Variants in FARP1 observed in about 807,000 individuals in gnomAD.
FARP1 encodes FERM, ARH/RhoGEF and pleckstrin domain protein 1.
In FARP1, 52 loss-of-function variants were observed where a neutral mutation model predicts 128.8. The observed-to-expected ratio is 0.40, with a 90% CI of 0.32 to 0.51. FARP1 has a LOEUF of 0.51. FARP1 is among the 20% of genes least tolerant of loss of function. The pLI is 0.45. For synonymous variants in FARP1, 580 were observed against 551.8 expected (o/e 1.05, Z -0.72); for missense variants, 1,333 against 1,367.9 (o/e 0.97, Z 0.40).
At chr13:98,341,586 C>T (rs759527778) in intron 2 of FARP1, among the ~76,000 whole-genome samples, 6 of 152,138 alleles carry the variant, frequency 3.9e-5, no homozygotes, top group Non-Finnish European at 8.8e-5. Context: ...GAGCCAAGAT[C>T]GTGCCACTGT....
intron 2 of FARP1, among the ~76,000 whole-genome samples, chr13:98,317,706 T>C (rs186511705): frequency 2.0e-5 from 3 of 152,282 alleles, no homozygotes; most frequent in African/African-American, 7.2e-5. Flanking sequence ...CTGGATGGCT[T>C]AAACAACAGA....
intron 2 of FARP1, among the ~76,000 whole-genome samples, chr13:98,293,136 G>T (rs1416974498): frequency 6.6e-6 from 1 of 152,076 alleles, no homozygotes; most frequent in East Asian, 1.9e-4. Context: ...TAACTCAATG[G>T]TGGATGACTG....
At chr13:98,153,334 T>C (rs1256897793) in intron 1 of FARP1, among the ~76,000 whole-genome samples, 5 of 58,656 alleles carry the variant, frequency 8.5e-5, no homozygotes, top group African/African-American at 1.4e-4. Flanking sequence ...TAATATAATA[T>C]ATAAAATAAT....
At chr13:98,270,482 A>G (rs144967352) in intron 2 of FARP1, among the ~76,000 whole-genome samples, 3 of 152,198 alleles carry the variant, frequency 2.0e-5, no homozygotes, top group Admixed American at 1.3e-4. Context: ...CATGACTTAC[A>G]ATGCCTCAGC....
At chr13:98,389,471 A>G (rs1173811094) in intron 9 of FARP1, 2 of 152,664 alleles carry the variant, frequency 1.3e-5, no homozygotes, top group East Asian at 3.9e-4. Context: ...AAAAAAATTC[A>G]TTTCCTGTGT....
At chr13:98,185,716 G>C (rs1015097668) in intron 1 of FARP1, among the ~76,000 whole-genome samples, 1 of 147,352 alleles carries the variant, frequency 6.8e-6, no homozygotes, top group African/African-American at 2.5e-5. Flanking sequence ...TTGTTTTTTT[G>C]AGATGGAGTC....
intron 2 of FARP1, among the ~76,000 whole-genome samples, chr13:98,249,391 G>A (rs1176106636): frequency 2.0e-5 from 3 of 152,154 alleles, no homozygotes; most frequent in Non-Finnish European, 2.9e-5. Flanking sequence ...CTTCTTTTAT[G>A]TGACATGGTA....
At chr13:98,324,347 G>A (rs534750115) in intron 2 of FARP1, among the ~76,000 whole-genome samples, 5 of 152,252 alleles carry the variant, frequency 3.3e-5, no homozygotes, top group South Asian at 2.1e-4. Flanking sequence ...AGCGAAACAC[G>A]GTTCCTGCTG....
intron 17 of FARP1, among the ~76,000 whole-genome samples, chr13:98,429,807 C>A (rs1891941728): frequency 6.6e-6 from 1 of 152,210 alleles, no homozygotes; most frequent in Admixed American, 6.5e-5. Flanking sequence ...TCCTCTCTGA[C>A]TTGGGCTACT....
chr13:98,153,206 AT>A (rs1170219149), intron 1 of FARP1, among the ~76,000 whole-genome samples: 1 of 149,244 alleles, frequency 6.7e-6, no homozygotes, highest in Non-Finnish European at 1.5e-5. Flanking sequence ...GAAACCAGCG[AT>A]TTTCTAAATG....
chr13:98,279,969 T>G (rs1054336133), intron 2 of FARP1, among the ~76,000 whole-genome samples: 1 of 152,052 alleles, frequency 6.6e-6, no homozygotes, highest in African/African-American at 2.4e-5. Flanking sequence ...CTCAGGTGTT[T>G]TCAGCCTCTC....
intron 1 of FARP1, among the ~76,000 whole-genome samples, chr13:98,152,961 G>A (rs1876119586): frequency 6.6e-6 from 1 of 151,994 alleles, no homozygotes. Context: ...TGAGAGTATT[G>A]CTTCATTTCT....
intron 2 of FARP1, among the ~76,000 whole-genome samples, chr13:98,277,557 C>T (rs1422799102): frequency 6.6e-6 from 1 of 152,110 alleles, no homozygotes; most frequent in Non-Finnish European, 1.5e-5. Flanking sequence ...GCTGAGACTT[C>T]CTCTGAGGAG....
intron 2 of FARP1, among the ~76,000 whole-genome samples, chr13:98,255,956 G>T (rs1394739971): frequency 3.3e-5 from 5 of 152,202 alleles, no homozygotes; most frequent in Non-Finnish European, 5.9e-5. Flanking sequence ...AGAACAATCT[G>T]TCTGAACATT....
chr13:98,314,119 G>A (rs866963239), intron 2 of FARP1, among the ~76,000 whole-genome samples: 72 of 152,008 alleles, frequency 4.7e-4, no homozygotes, highest in African/African-American at 1.7e-3. Context: ...GGAGGCTTGG[G>A]GTTGAACACT....
At position 98,206,727 on chromosome 13, in the gene FARP1, C is replaced by T. The variant is rs189999635; in HGVS notation, c.-23-6493C>T. 1.5e-3 allele frequency among the ~76,000 whole-genome samples: 233 copies of T among 152,188 alleles called. 3 individuals are homozygous for T. Among genetic ancestry groups the T allele is most frequent in the Non-Finnish European group, 6.2e-4 (42 of 68,004 alleles). ...CTCTAGTTTTTTACCTTTTCTCTGGCGGTTAAAAATCTTGTTACTTCTTTG... is the reference window on the plus strand; with the variant it reads ...CTCTAGTTTTTTACCTTTTCTCTGGTGGTTAAAAATCTTGTTACTTCTTTG... On this transcript the variant is annotated intron_variant, in intron 1 of 26. Coordinates refer to ENST00000319562, the MANE Select transcript of FARP1 (RefSeq NM_005766.4).
At chr13:98,183,787 CACTGTCCT>C (rs1407396986) in intron 1 of FARP1, among the ~76,000 whole-genome samples, 1 of 152,188 alleles carries the variant, frequency 6.6e-6, no homozygotes, top group Non-Finnish European at 1.5e-5. Context: ...TCGCTGCCTC[CACTGTCCT>C]CCAAACAATT....
At chr13:98,334,449 C>T (rs1887652665) in intron 2 of FARP1, 1 of 149,548 alleles carries the variant, frequency 6.7e-6, no homozygotes, top group South Asian at 2.1e-4. Flanking sequence ...TTCCCTTCAC[C>T]ATCACGGTGG....
At chr13:98,257,368 C>G (rs1365858363) in intron 2 of FARP1, among the ~76,000 whole-genome samples, 1 of 152,076 alleles carries the variant, frequency 6.6e-6, no homozygotes, top group Non-Finnish European at 1.5e-5. Flanking sequence ...CTAATTTTGT[C>G]AAAAATACAC....
Sources: gnomAD v4.1 joint callset for allele counts (sites outside exome capture counted in the v4.1 genomes callset) on GRCh38, gnomAD v4.1.1 for gene constraint, MANE v1.5 for transcripts, NCBI Gene and HGNC (gene_info 2026-07-23, HGNC 2026-07-21) for gene names.